NUP93: variants seen among roughly 807,000 people sequenced by gnomAD.
NUP93 encodes nuclear pore complex protein Nup93.
In NUP93, 55 loss-of-function variants were observed where a neutral mutation model predicts 107.8. The observed-to-expected ratio is 0.51, with a 90% confidence interval of 0.41 to 0.64. The LOEUF (loss-of-function observed/expected upper bound fraction) is 0.64, where lower values mean the gene tolerates loss of function less well. Ranked by LOEUF, NUP93 falls within the 30% of genes least tolerant of loss-of-function variation. The pLI is 0.00. For missense variants in NUP93, 937 were observed against 1,044.7 expected (o/e 0.90, Z 1.42); for synonymous variants, 390 against 397.5 (o/e 0.98, Z 0.22).
chr16:56,772,700 G>A (rs1488424694), intron 3 of NUP93, among the ~76,000 whole-genome samples: 2 of 152,178 alleles, frequency 1.3e-5, no homozygotes, highest in Non-Finnish European at 2.9e-5. Flanking sequence ...CCAAATAAAT[G>A]GAATTTAGTT....
At position 56,740,386 on chromosome 16, in the gene NUP93, T is replaced by C. The variant is rs1377294358; in HGVS notation, c.-14-7848T>C. 2.1e-5 allele frequency among the ~76,000 whole-genome samples: 3 copies of C among 140,434 alleles called. No individual in the cohort carries two copies. In the East Asian group the frequency reaches 6.5e-4, roughly 31 times the overall value. 92.1% of individuals were successfully genotyped at this position (140,434 alleles called of 152,430 possible). A position where few individuals can be genotyped will look rare whatever the true frequency, so the allele number is the denominator to read the frequency against. On this transcript the variant is annotated intron_variant, in intron 1 of 21. Coordinates refer to ENST00000308159, the MANE Select transcript of NUP93 (RefSeq NM_014669.5). ...GCAGAGGCGCTCCTCACATCCCAGA[T>C]GGGGCGGCGGGGCAGAGGCGCTCCC...
chr16:56,743,119 A>C (rs1961766061), intron 1 of NUP93, among the ~76,000 whole-genome samples: 1 of 152,252 alleles, frequency 6.6e-6, no homozygotes, highest in African/African-American at 2.4e-5. Flanking sequence ...GCTCGATTAA[A>C]TATTTAACAT....
chr16:56,774,886 T>C (rs1249124910), intron 3 of NUP93, among the ~76,000 whole-genome samples: 2 of 150,224 alleles, frequency 1.3e-5, no homozygotes, highest in African/African-American at 4.9e-5. Flanking sequence ...ATTAAGGTTT[T>C]TTTTGTTTTT....
intron 2 of NUP93, among the ~76,000 whole-genome samples, chr16:56,754,403 A>G (rs1278411749): frequency 6.6e-6 from 1 of 152,200 alleles, no homozygotes; most frequent in Admixed American, 6.5e-5. Context: ...GTCTTAACTC[A>G]TTCTAGCATT....
At chr16:56,747,202 G>A (rs1961834858) in intron 1 of NUP93, among the ~76,000 whole-genome samples, 3 of 152,038 alleles carry the variant, frequency 2.0e-5, no homozygotes, top group Non-Finnish European at 2.9e-5. Context: ...GTTTCACCAC[G>A]TTGGCCAGGC....
At chr16:56,805,405 A>G (rs1220314873) in intron 4 of NUP93, 99 bp from the exon 5 acceptor site, 1 of 1,278,524 alleles carries the variant, frequency 7.8e-7, no homozygotes, top group South Asian at 1.4e-5. Flanking sequence ...CCTATGGAGA[A>G]GTGGTTGGTC....
At chr16:56,743,297 G>T (rs1961768292) in intron 1 of NUP93, among the ~76,000 whole-genome samples, 1 of 152,116 alleles carries the variant, frequency 6.6e-6, no homozygotes, top group African/African-American at 2.4e-5. Flanking sequence ...TATGAATGTT[G>T]ATATGCCCTA....
At chr16:56,830,784 A>C (rs1454530683) in intron 10 of NUP93, 99 bp downstream of exon 10, 1 of 1,155,542 alleles carries the variant, frequency 8.7e-7, no homozygotes, top group Non-Finnish European at 1.2e-6. Context: ...GGCCCAAAAC[A>C]AGTTTCTGCT....
chr16:56,819,228 G>C (rs866149293), intron 6 of NUP93, among the ~76,000 whole-genome samples: 1 of 152,214 alleles, frequency 6.6e-6, no homozygotes, highest in Non-Finnish European at 1.5e-5. Flanking sequence ...TCTGGTTGTA[G>C]ATGAGGACCG....
chr16:56,849,654 T>C lies in NUP93; in HGVS notation c.*5045T>C, dbSNP rs1199791262. 6.9e-6 allele frequency: 1 copy of C among 145,878 alleles called. No individual in the cohort carries two copies. The highest frequency in any genetic ancestry group is 7.3e-5 in the Admixed American group (1 of 13,656). The allele number at this position is 145,878 out of a possible 1,614,324, so 9.0% of individuals were successfully genotyped here. Reference sequence around the variant, plus strand: ...CTTAGCAAATAAAAATATAGGACACTCAATTAAGTTTGCATTTTGGATAAA... The same window carrying C: ...CTTAGCAAATAAAAATATAGGACACCCAATTAAGTTTGCATTTTGGATAAA... On this transcript the variant is annotated 3_prime_UTR_variant, in exon 22 of 22. Coordinates refer to ENST00000308159, the MANE Select transcript of NUP93 (RefSeq NM_014669.5).
intron 1 of NUP93, among the ~76,000 whole-genome samples, chr16:56,746,410 G>A (rs1039043072): frequency 7.9e-5 from 12 of 152,232 alleles, no homozygotes; most frequent in African/African-American, 1.9e-4. Flanking sequence ...TAAAGATTGC[G>A]AATTACAGCC....
At chr16:56,740,113 C>T (rs1961695475) in intron 1 of NUP93, among the ~76,000 whole-genome samples, 1 of 136,366 alleles carries the variant, frequency 7.3e-6, no homozygotes, top group Non-Finnish European at 1.6e-5. Context: ...GGCGGCTGGC[C>T]AGGCGGGGGG....
chr16:56,740,309 CG>C (rs1342900886), intron 1 of NUP93, among the ~76,000 whole-genome samples: 11 of 116,448 alleles, frequency 9.4e-5, no homozygotes, highest in Non-Finnish European at 2.1e-4. Flanking sequence ...ACTTCTCAGA[CG>C]GGGCGGCCGG....
At position 56,803,023 on chromosome 16, in the gene NUP93, G is replaced by A. The variant is rs982956351; in HGVS notation, c.361-2481G>A. ...TTTCCTTCTGAATGCCTTTATTTTC[G>A]CAGCTACCTGCAACTACCAGTAGAC... is the stretch of plus-strand genomic sequence containing the variant. On this transcript the variant is annotated intron_variant, in intron 4 of 21. Coordinates refer to ENST00000308159, the MANE Select transcript of NUP93 (RefSeq NM_014669.5). Among the ~76,000 whole-genome samples, 3 of 138,312 alleles carry A rather than the reference G, an allele frequency of 2.2e-5. 1 individual carries two copies. The highest frequency in any genetic ancestry group is 4.3e-4 in the South Asian group (2 of 4,638). 90.7% of individuals were successfully genotyped at this position (138,312 alleles called of 152,430 possible). A position where few individuals can be genotyped will look rare whatever the true frequency, so the allele number is the denominator to read the frequency against.
chr16:56,811,890 GTTGGTAT>G (rs1963323621), intron 5 of NUP93, among the ~76,000 whole-genome samples: 1 of 152,184 alleles, frequency 6.6e-6, no homozygotes, highest in African/African-American at 2.4e-5. Context: ...TTGTGCGATT[GTTGGTAT>G]TTGGTAAGAT....
intron 3 of NUP93, among the ~76,000 whole-genome samples, chr16:56,764,936 A>G (rs1962191282): frequency 6.6e-6 from 1 of 152,268 alleles, no homozygotes; most frequent in South Asian, 2.1e-4. Flanking sequence ...CATGTTTACC[A>G]AGGAAAAGCA....
rs561958198 is a variant in NUP93 at position 56,847,494 on chromosome 16, C to T, written c.*2885C>T. 3 of 152,318 alleles carry T rather than the reference C, an allele frequency of 2.0e-5. No homozygotes were observed. The highest frequency in any genetic ancestry group is 6.5e-5 in the Admixed American group (1 of 15,296). The allele number at this position is 152,318 out of a possible 1,614,324, so 9.4% of individuals were successfully genotyped here. A position where few individuals can be genotyped will look rare whatever the true frequency, so the allele number is the denominator to read the frequency against. On this transcript the variant is annotated 3_prime_UTR_variant, in exon 22 of 22. Coordinates refer to ENST00000308159, the MANE Select transcript of NUP93 (RefSeq NM_014669.5). ...GATCTTTCTAATGAAATTGGGGGCA[C>T]TTTGAGACTGTCAGGGTTTGTTCCT... is the stretch of plus-strand genomic sequence containing the variant.
At chr16:56,745,820 A>G (rs1264609923) in intron 1 of NUP93, among the ~76,000 whole-genome samples, 1 of 152,218 alleles carries the variant, frequency 6.6e-6, no homozygotes, top group Non-Finnish European at 1.5e-5. Flanking sequence ...GTCAAAAACA[A>G]TTCTATATAA....
Position 56,818,675 on chromosome 16 carries a change from C to G in NUP93, c.501C>G (p.Ile167Met). ...DFTQESEPSY[I>M]SDVGPPGRSS... ...GTATTTATCCACAGCCAAGCTACAT[C>G]AGTGATGTGGGACCCCCTGGTCGAA... The change falls in exon 6 of 22, where the codon ATC becomes ATG. Residue 167 changes from isoleucine to methionine, a missense_variant. Ile to Met is a conservative substitution (Grantham distance 10, BLOSUM62 1). Coordinates refer to ENST00000308159, the MANE Select transcript of NUP93 (RefSeq NM_014669.5). 6.2e-7 allele frequency: 1 copy of G among 1,614,032 alleles called. No homozygotes were observed. The highest frequency in any genetic ancestry group is 1.1e-5 in the South Asian group (1 of 91,072).
Sources: gnomAD v4.1 joint callset for allele counts (sites outside exome capture counted in the v4.1 genomes callset) on GRCh38, gnomAD v4.1.1 for gene constraint, MANE v1.5 for transcripts, NCBI Gene and HGNC (gene_info 2026-07-23, HGNC 2026-07-21) for gene names.